PIK3CD: variants seen among roughly 807,000 people sequenced by gnomAD.
The protein encoded by PIK3CD is phosphatidylinositol-4,5-bisphosphate 3-kinase catalytic subunit delta.
In PIK3CD, 20 loss-of-function variants were observed where a neutral mutation model predicts 122.9. The observed-to-expected ratio is 0.16, with a 90% CI of 0.11 to 0.24. The LOEUF is 0.24. PIK3CD is among the 10% of genes least tolerant of loss of function. PIK3CD has a pLI of 1.00. For missense variants in PIK3CD, 787 were observed against 1,406.3 expected (o/e 0.56, Z 7.04); for synonymous variants, 596 against 593.4 (o/e 1.00, Z -0.06).
In PIK3CD at chr1:9,724,466, C is replaced by T. The variant is rs1002065985; in HGVS notation, c.2864+45C>T. ...ACCAGATGCCCCTCGGTGTGGGGCC[C>T]CAGGGAACAGGGCAGAGGTTCCCAG... On this transcript the variant is annotated intron_variant, in intron 22 of 23. Transcript: ENST00000377346. This position sits in a 1 kb window ranked among gnomAD's most constrained non-coding sequence, Gnocchi z 7.3. 2 of 1,611,674 alleles carry T rather than the reference C, an allele frequency of 1.2e-6. No individual in the cohort carries two copies. Among genetic ancestry groups the T allele is most frequent in the Non-Finnish European group, 1.7e-6 (2 of 1,178,422 alleles).
intron 2 of PIK3CD, among the ~76,000 whole-genome samples, chr1:9,695,181 A>G (rs1646356198): frequency 6.6e-6 from 1 of 152,208 alleles, no homozygotes; most frequent in African/African-American, 2.4e-5. Context: ...AGAGTGAAAA[A>G]CAAATTTCCA....
At chr1:9,674,980 G>A (rs1457602799) in intron 1 of PIK3CD, among the ~76,000 whole-genome samples, 2 of 146,710 alleles carry the variant, frequency 1.4e-5, no homozygotes, top group Admixed American at 6.9e-5. Context: ...AGGTTGCAGC[G>A]AGCCGAGATT....
upstream of PIK3CD, among the ~76,000 whole-genome samples, chr1:9,651,567 C>T (rs1339447607): frequency 2.0e-5 from 3 of 151,962 alleles, no homozygotes; most frequent in Non-Finnish European, 4.4e-5. Flanking sequence ...GCCCCTCTAG[C>T]GGTAGGCGAA....
At chr1:9,675,662 G>A (rs1377320796) in intron 1 of PIK3CD, among the ~76,000 whole-genome samples, 1 of 152,080 alleles carries the variant, frequency 6.6e-6, no homozygotes, top group East Asian at 1.9e-4. Flanking sequence ...TGCAGGAGGG[G>A]CTTCCTGGCT....
rs114016140 is a variant in PIK3CD at position 9,719,443 on chromosome 1, A to T, written c.1243-478A>T. 5.3e-3 allele frequency among the ~76,000 whole-genome samples: 807 copies of T among 152,172 alleles called. 4 individuals carry two copies. The highest frequency in any genetic ancestry group is 0.031 in the Middle Eastern group (9 of 294). Reference sequence around the variant, plus strand: ...TGGGAGGCCAAGGTGGTCGGCTTACAAGGTCAGGAGTTTGAGACCAGCCTG... The same window carrying T: ...TGGGAGGCCAAGGTGGTCGGCTTACTAGGTCAGGAGTTTGAGACCAGCCTG... On this transcript the variant is annotated intron_variant, in intron 9 of 23. Coordinates refer to ENST00000377346, the MANE Select transcript of PIK3CD (RefSeq NM_005026.5). This position sits in a 1 kb window ranked among gnomAD's most constrained non-coding sequence, Gnocchi z 5.5.
intron 1 of PIK3CD, among the ~76,000 whole-genome samples, chr1:9,655,678 ACTTT>A (rs150970451): frequency 0.19 from 27,495 of 142,132 alleles, 3,120 homozygotes; most frequent in East Asian, 0.54. Context: ...TTTTCCTATT[ACTTT>A]CTTTCTTTTT....
intron 23 of PIK3CD, among the ~76,000 whole-genome samples, chr1:9,725,577 TAAAAA>T (rs1042813472): frequency 7.0e-6 from 1 of 142,766 alleles, no homozygotes; most frequent in African/African-American, 2.6e-5. Context: ...AAATAAATAA[TAAAAA>T]AAGATATTTT....
At chr1:9,707,205 C>T (rs924999399) in intron 2 of PIK3CD, among the ~76,000 whole-genome samples, 1 of 151,784 alleles carries the variant, frequency 6.6e-6, no homozygotes, top group Non-Finnish European at 1.5e-5. Context: ...CAGCACTCTC[C>T]GATGAGCACA....
At chr1:9,686,460 G>C (rs1448896537) in intron 1 of PIK3CD, among the ~76,000 whole-genome samples, 2 of 150,262 alleles carry the variant, frequency 1.3e-5, no homozygotes, top group Admixed American at 6.7e-5. Flanking sequence ...CCTCGGCCTC[G>C]CAAAGTGCTG....
chr1:9,721,279 C>T, intron 14 of PIK3CD, 31 bp downstream of exon 14: 1 of 1,612,928 alleles, frequency 6.2e-7, no homozygotes, highest in Non-Finnish European at 8.5e-7. Flanking sequence ...CCCCACTTCT[C>T]CAGAGGGCAG....
Position 9,727,275 on chromosome 1 carries a change from A to G in PIK3CD, c.*229A>G. On this transcript the variant is annotated 3_prime_UTR_variant, in exon 24 of 24. Transcript: ENST00000377346. The stretch of plus-strand genomic sequence containing the variant: ...TGCAGCGGCGGTGCTGGGCCCCCCG[A>G]GGCTGCACCTGGCTCTCGGCTGAGG... 2 of 578,358 alleles carry G rather than the reference A, an allele frequency of 3.5e-6. No homozygotes were observed. The highest frequency in any genetic ancestry group is 3.1e-6 in the Non-Finnish European group (1 of 324,456). The allele number at this position is 578,358 out of a possible 1,614,324, so 35.8% of individuals were successfully genotyped here. A position where few individuals can be genotyped will look rare whatever the true frequency, so the allele number is the denominator to read the frequency against.
chr1:9,653,890 G>C, intron 1 of PIK3CD: 1 of 1,367,450 alleles, frequency 7.3e-7, no homozygotes, highest in Non-Finnish European at 9.8e-7. Context: ...AGACACTGGA[G>C]TGGGCTGGAG....
intron 23 of PIK3CD, among the ~76,000 whole-genome samples, chr1:9,726,234 C>T (rs766346988): frequency 7.3e-5 from 11 of 151,712 alleles, no homozygotes; most frequent in Non-Finnish European, 1.3e-4. Flanking sequence ...ATTGGCCGGG[C>T]ACGATGGCTC....
In PIK3CD at chr1:9,727,589, T is replaced by C. The variant is rs1246429014; in HGVS notation, c.*543T>C. 4.4e-6 allele frequency: 1 copy of C among 228,602 alleles called. No homozygotes were observed. The highest frequency in any genetic ancestry group is 8.9e-6 in the Non-Finnish European group (1 of 112,724). 14.2% of individuals were successfully genotyped at this position (228,602 alleles called of 1,614,324 possible). ...GGTCTTGGGTACGAGAATTCCCTCA[T>C]CTTTCTCTACTGTAAAGTGATTTTG... is the stretch of plus-strand genomic sequence containing the variant. On this transcript the variant is annotated 3_prime_UTR_variant, in exon 24 of 24. Transcript: ENST00000377346.
At chr1:9,679,063 CT>C (rs148088382) in intron 1 of PIK3CD, among the ~76,000 whole-genome samples, 5,337 of 116,512 alleles carry the variant, frequency 0.046, 215 homozygotes, top group African/African-American at 0.16. Context: ...TCAGGAGAAA[CT>C]TTTTTTTTTT....
chr1:9,706,906 A>G (rs1289755719), intron 2 of PIK3CD, among the ~76,000 whole-genome samples: 1 of 151,704 alleles, frequency 6.6e-6, no homozygotes, highest in Non-Finnish European at 1.5e-5. Context: ...CCCAGGCTCA[A>G]GTGATCCTTC....
Position 9,700,142 on chromosome 1 carries a change from T to C in PIK3CD, c.-33+8571T>C, listed in dbSNP as rs1646572421. 6.6e-6 allele frequency among the ~76,000 whole-genome samples: 1 copy of C among 152,208 alleles called. No homozygotes were observed. The highest frequency in any genetic ancestry group is 1.5e-5 in the Non-Finnish European group (1 of 68,040). The stretch of plus-strand genomic sequence containing the variant: ...TATTTAATTTTTAAATATTTATTTA[T>C]TGATTTTTGAGACAGAGTCTCACTC... On this transcript the variant is annotated intron_variant, in intron 2 of 23. Coordinates refer to ENST00000377346, the MANE Select transcript of PIK3CD (RefSeq NM_005026.5). The surrounding 1 kb of genome is among the most constrained non-coding windows in gnomAD (Gnocchi z 5.1).
Position 9,715,697 on chromosome 1 carries a change from C to T in PIK3CD, c.298C>T (p.Arg100Cys). The T allele has an allele frequency of 7.4e-6, 12 of 1,613,638 alleles. No homozygotes were observed. The highest frequency in any genetic ancestry group is 5.5e-5 in the South Asian group (5 of 91,086). ...CGTGCAGCCCTTCCTGCCCGTCCTG[C>T]GCCTGGTGGCCCGTGAGGGCGACCG... is the stretch of plus-strand genomic sequence containing the variant. ...CDVQPFLPVL[R>C]LVAREGDRVK... Residue 100 changes from arginine to cysteine, a missense_variant, in exon 4 of 24, where the codon CGC (arginine) becomes TGC (cysteine). Around this residue, in one of 6 missense-constraint regions of PIK3CD, gnomAD observed 592 missense variants for 920.6 expected, o/e 0.64. Coordinates refer to ENST00000377346, the MANE Select transcript of PIK3CD (RefSeq NM_005026.5). This position sits in a 1 kb window ranked among gnomAD's most constrained non-coding sequence, Gnocchi z 4.1.
In PIK3CD at chr1:9,652,463, C is replaced by G. The variant is rs1013693737; in HGVS notation, c.-138+661C>G. The G allele has an allele frequency of 3.3e-5, 5 of 152,348 alleles. No homozygotes were observed. The highest frequency in any genetic ancestry group is 3.9e-4 in the East Asian group (2 of 5,178). The allele number at this position is 152,348 out of a possible 1,614,324, so 9.4% of individuals were successfully genotyped here. A position where few individuals can be genotyped will look rare whatever the true frequency, so the allele number is the denominator to read the frequency against. ...CCCCGCCTCCCAGTCCCGGGCCTCCCGCGTTGCTCGCCGCGTTTGCTGCAG... is the reference window on the plus strand; with the variant it reads ...CCCCGCCTCCCAGTCCCGGGCCTCCGGCGTTGCTCGCCGCGTTTGCTGCAG... On this transcript the variant is annotated intron_variant, in intron 1 of 23. Transcript: ENST00000377346. This position sits in a 1 kb window ranked among gnomAD's most constrained non-coding sequence, Gnocchi z 6.2.
Sources: allele counts gnomAD v4.1 joint callset (sites outside exome capture counted in the v4.1 genomes callset), GRCh38; gene constraint gnomAD v4.1.1; regional missense constraint gnomAD v4.1.1; non-coding constraint Gnocchi (gnomAD v3.1); transcripts MANE v1.5; gene names NCBI Gene and HGNC (gene_info 2026-07-23, HGNC 2026-07-21).